CNTN6: variants seen among roughly 807,000 people sequenced by gnomAD.
CNTN6 encodes the protein contactin 6.
A neutral mutation model predicts 122.8 loss-of-function variants in CNTN6; 137 were observed. That is an observed-to-expected ratio of 1.12 (90% CI 0.97 to 1.29). The LOEUF is 1.29. Ranked by LOEUF, CNTN6 falls within the 50% of genes most tolerant of loss-of-function variation. The pLI, the probability that CNTN6 is intolerant of heterozygous loss-of-function variation, is 0.00. For synonymous variants in CNTN6, 570 were observed against 426.0 expected, an observed-to-expected ratio of 1.34 and a Z score of -4.16; for missense variants, 1,634 against 1,223.4, an observed-to-expected ratio of 1.34 and a Z score of -5.01.
At chr3:1,307,477 C>CCA (rs1553674327) in intron 7 of CNTN6, among the ~76,000 whole-genome samples, 2 of 151,668 alleles carry the variant, frequency 1.3e-5, no homozygotes, top group East Asian at 1.9e-4. Context: ...TATAACCCCC[C>CCA]CACACACAAT....
chr3:1,300,451 GGA>G (rs1491456693), intron 7 of CNTN6, among the ~76,000 whole-genome samples: 43 of 38,764 alleles, frequency 1.1e-3, no homozygotes, highest in African/African-American at 4.7e-3. Flanking sequence ...GGTCAGTTCA[GGA>G]AGGAAGGAAG....
chr3:1,220,663 T>A (rs1228225658), intron 2 of CNTN6, 24 bp from the exon 3 acceptor site: 1 of 1,572,570 alleles, frequency 6.4e-7, no homozygotes, highest in Non-Finnish European at 8.6e-7. Context: ...TTTTTTCATG[T>A]GATTTATTCT....
intron 2 of CNTN6, among the ~76,000 whole-genome samples, chr3:1,150,971 T>G (rs549722406): frequency 2.7e-4 from 41 of 152,182 alleles, no homozygotes; most frequent in Non-Finnish European, 5.4e-4. Context: ...CCATGGGGTG[T>G]GATGAAGGAA....
At chr3:1,128,809 C>T (rs2092253027) in intron 1 of CNTN6, among the ~76,000 whole-genome samples, 1 of 151,908 alleles carries the variant, frequency 6.6e-6, no homozygotes, top group Non-Finnish European at 1.5e-5. Flanking sequence ...CCAATTTTCT[C>T]TTTAGCAACC....
chr3:1,209,541 T>A (rs2094004643), intron 2 of CNTN6, among the ~76,000 whole-genome samples: 1 of 152,220 alleles, frequency 6.6e-6, no homozygotes, highest in Non-Finnish European at 1.5e-5. Flanking sequence ...TGCTTGATGT[T>A]CAAGCGTTAT....
intron 7 of CNTN6, among the ~76,000 whole-genome samples, chr3:1,318,427 C>G (rs1020394410): frequency 6.6e-6 from 1 of 151,578 alleles, no homozygotes; most frequent in African/African-American, 2.4e-5. Flanking sequence ...TTAAGGTTTC[C>G]TACAGTTGGT....
At chr3:1,272,480 A>G (rs2095042930) in intron 4 of CNTN6, among the ~76,000 whole-genome samples, 1 of 152,342 alleles carries the variant, frequency 6.6e-6, no homozygotes, top group South Asian at 2.1e-4. Context: ...ATGAAAGAAC[A>G]AAGAAAAAAT....
intron 8 of CNTN6, among the ~76,000 whole-genome samples, chr3:1,322,402 G>T (rs965377063): frequency 6.6e-6 from 1 of 151,614 alleles, no homozygotes; most frequent in African/African-American, 2.4e-5. Context: ...AGCTGTCTTT[G>T]TGTCTTCTTT....
At chr3:1,276,583 C>G (rs1460070619) in intron 4 of CNTN6, among the ~76,000 whole-genome samples, 2 of 152,172 alleles carry the variant, frequency 1.3e-5, no homozygotes, top group Non-Finnish European at 1.5e-5. Flanking sequence ...CTATTCAGTA[C>G]AACAAAACGT....
intron 2 of CNTN6, among the ~76,000 whole-genome samples, chr3:1,199,644 G>C (rs996618731): frequency 2.6e-5 from 4 of 151,988 alleles, no homozygotes; most frequent in African/African-American, 9.7e-5. Flanking sequence ...TATTTGTTTT[G>C]GTTCCATTTT....
Position 1,278,493 on chromosome 3 carries a change from C to T in CNTN6, c.439C>T (p.Pro147Ser). The T allele has an allele frequency of 1.2e-6, 2 of 1,611,464 alleles. No homozygotes were observed. Among genetic ancestry groups the T allele is most frequent in the Non-Finnish European group, 1.7e-6 (2 of 1,178,160 alleles). ...AGGTGTGGTGCTTCTCTGTGGCCCA[C>T]CGCCACATTTTGGAGGTATGATGGG... is the stretch of plus-strand genomic sequence containing the variant. ...GQGVVLLCGP[P>S]PHFGDLSYAW... The change falls in exon 5 of 23, where the codon CCG becomes TCG. Residue 147 changes from proline (P) to serine (S), a missense_variant. Transcript: ENST00000446702.
chr3:1,271,082 T>C (rs529613315), intron 4 of CNTN6, among the ~76,000 whole-genome samples: 33 of 152,292 alleles, frequency 2.2e-4, no homozygotes, highest in Admixed American at 8.5e-4. Context: ...TTCACCATGT[T>C]GCCCGGGCTG....
intron 20 of CNTN6, among the ~76,000 whole-genome samples, chr3:1,395,823 CACTT>C (rs1560035628): frequency 6.6e-6 from 1 of 152,136 alleles, no homozygotes; most frequent in Non-Finnish European, 1.5e-5. Flanking sequence ...TACTAAATCT[CACTT>C]AATTATTACA....
Position 1,315,796 on chromosome 3 carries a change from GACT to G in CNTN6, c.762-5849_762-5847del, listed in dbSNP as rs149855865. On this transcript the variant is annotated intron_variant, in intron 7 of 22. Coordinates refer to ENST00000446702, the MANE Select transcript of CNTN6 (RefSeq NM_001289080.2). ...GCCCTTGTCATGATGAAGTGAACAT[GACT>G]ACTATGATCAAGGTTGTATCTCCAT... Among the ~76,000 whole-genome samples, 345 of 151,942 alleles carry G rather than the reference GACT, an allele frequency of 2.3e-3. 2 individuals carry two copies. Among genetic ancestry groups the G allele is most frequent in the African/African-American group, 7.8e-3 (325 of 41,496 alleles).
chr3:1,330,788 G>C (rs1702182036), intron 11 of CNTN6, among the ~76,000 whole-genome samples: 1 of 151,834 alleles, frequency 6.6e-6, no homozygotes, highest in Non-Finnish European at 1.5e-5. Flanking sequence ...CAACTAAAGT[G>C]TGTTAAAAAA....
chr3:1,185,884 T>G (rs895221045), intron 2 of CNTN6, among the ~76,000 whole-genome samples: 1 of 152,182 alleles, frequency 6.6e-6, no homozygotes, highest in Non-Finnish European at 1.5e-5. Flanking sequence ...ATTTAAAAGA[T>G]CATTGTAAAT....
At chr3:1,347,391 T>G (rs1704895804) in intron 11 of CNTN6, among the ~76,000 whole-genome samples, 1 of 152,190 alleles carries the variant, frequency 6.6e-6, no homozygotes, top group South Asian at 2.1e-4. Context: ...TAAAATATTC[T>G]AATTAAGTGG....
chr3:1,166,873 A>T (rs1326551508), intron 2 of CNTN6, among the ~76,000 whole-genome samples: 1 of 152,030 alleles, frequency 6.6e-6, no homozygotes, highest in Non-Finnish European at 1.5e-5. Flanking sequence ...ATCACACACC[A>T]GGGCCTATTG....
chr3:1,108,833 G>T (rs1016346332), intron 1 of CNTN6, among the ~76,000 whole-genome samples: 5 of 151,804 alleles, frequency 3.3e-5, no homozygotes, highest in Non-Finnish European at 5.9e-5. Flanking sequence ...ATTTTGTAAG[G>T]GTAAATACAA....
Sources: gnomAD v4.1 joint callset for allele counts (sites outside exome capture counted in the v4.1 genomes callset) on GRCh38, gnomAD v4.1.1 for gene constraint, MANE v1.5 for transcripts, NCBI Gene and HGNC (gene_info 2026-07-23, HGNC 2026-07-21) for gene names.